The following DLGAP1 variants were observed in gnomAD, a reference collection of about 807,000 sequenced individuals.
DLGAP1 encodes DLG associated protein 1.
A neutral mutation model predicts 90.8 loss-of-function variants in DLGAP1; 11 were observed. That is an observed-to-expected ratio of 0.12 (90% confidence interval 0.08 to 0.20). The LOEUF (loss-of-function observed/expected upper bound fraction) is 0.20, where lower values mean the gene tolerates loss of function less well. Among genes scored for constraint, DLGAP1 ranks in the 10% least tolerant of loss-of-function variants. The pLI is 1.00. For missense variants in DLGAP1, 1,050 were observed against 1,333.8 expected (o/e 0.79, Z 3.31); for synonymous variants, 558 against 540.7 (o/e 1.03, Z -0.44).
chr18:3,562,305 G>A (rs923591198), intron 9 of DLGAP1, among the ~76,000 whole-genome samples: 2 of 152,030 alleles, frequency 1.3e-5, no homozygotes, highest in African/African-American at 4.8e-5. Flanking sequence ...ATTGCTTAGG[G>A]CCAGGAGTTC....
At chr18:4,443,111 C>G (rs547805834) in intron 1 of DLGAP1, among the ~76,000 whole-genome samples, 35 of 152,212 alleles carry the variant, frequency 2.3e-4, no homozygotes, top group Non-Finnish European at 5.0e-4. Context: ...CTGTCTATAA[C>G]TCCTAACTTA....
intron 4 of DLGAP1, among the ~76,000 whole-genome samples, chr18:3,870,617 T>TATC (rs1409038961): frequency 8.5e-6 from 1 of 118,058 alleles, no homozygotes; most frequent in African/African-American, 2.7e-5. Context: ...TCTATCTATC[T>TATC]ATCTATCTAT....
At chr18:4,198,016 T>C (rs551041399) in intron 1 of DLGAP1, among the ~76,000 whole-genome samples, 59 of 151,254 alleles carry the variant, frequency 3.9e-4, no homozygotes, top group African/African-American at 1.2e-3. Context: ...GATCAGGAGA[T>C]CAAGACCATC....
At chr18:4,313,382 T>C (rs901257162) in intron 1 of DLGAP1, among the ~76,000 whole-genome samples, 1 of 152,192 alleles carries the variant, frequency 6.6e-6, no homozygotes, top group Non-Finnish European at 1.5e-5. Flanking sequence ...AATGGCTACC[T>C]GTTTGAGGAG....
chr18:4,284,301 A>C (rs543892718), intron 1 of DLGAP1, among the ~76,000 whole-genome samples: 2 of 152,084 alleles, frequency 1.3e-5, no homozygotes, highest in Admixed American at 6.6e-5. Flanking sequence ...AAACAGGCCC[A>C]GAAAGTACAA....
chr18:3,967,139 A>G (rs1158358283), intron 3 of DLGAP1, among the ~76,000 whole-genome samples: 2 of 152,326 alleles, frequency 1.3e-5, no homozygotes, highest in Non-Finnish European at 1.5e-5. Context: ...GTCTGTGTAA[A>G]TATGGCAGTG....
chr18:3,805,089 A>T (rs899010603), intron 5 of DLGAP1, among the ~76,000 whole-genome samples: 1 of 152,238 alleles, frequency 6.6e-6, no homozygotes, highest in African/African-American at 2.4e-5. Context: ...AGCACATAGT[A>T]GGTGGCCAAA....
chr18:4,302,930 A>C (rs989483706), intron 1 of DLGAP1, among the ~76,000 whole-genome samples: 7 of 151,618 alleles, frequency 4.6e-5, no homozygotes, highest in Admixed American at 4.6e-4. Context: ...TATTTCTTTT[A>C]TTTTTTTGGT....
chr18:3,944,755 C>T (rs1476090929), intron 3 of DLGAP1, among the ~76,000 whole-genome samples: 2 of 152,184 alleles, frequency 1.3e-5, no homozygotes, highest in East Asian at 3.9e-4. Flanking sequence ...TTGAGAATCA[C>T]TACTTTGTTG....
At chr18:3,626,476 C>T (rs1211231490) in intron 7 of DLGAP1, among the ~76,000 whole-genome samples, 1 of 150,538 alleles carries the variant, frequency 6.6e-6, no homozygotes, top group Non-Finnish European at 1.5e-5. Flanking sequence ...CGTCTGTAGT[C>T]CCAGCTACTC....
At chr18:3,957,423 T>C (rs1347748577) in intron 3 of DLGAP1, among the ~76,000 whole-genome samples, 1 of 152,222 alleles carries the variant, frequency 6.6e-6, no homozygotes, top group Admixed American at 6.5e-5. Flanking sequence ...CAAACTTATG[T>C]TGTTTTAAGC....
intron 1 of DLGAP1, among the ~76,000 whole-genome samples, chr18:4,440,911 T>A (rs1290511780): frequency 6.6e-6 from 1 of 152,230 alleles, no homozygotes; most frequent in Non-Finnish European, 1.5e-5. Context: ...TCAAACATTT[T>A]GCTTTGAGCT....
intron 5 of DLGAP1, among the ~76,000 whole-genome samples, chr18:3,793,623 G>C (rs1470774747): frequency 1.3e-5 from 2 of 152,268 alleles, no homozygotes; most frequent in South Asian, 2.1e-4. Context: ...GGCCCATGCT[G>C]TCTGGCTCCC....
Position 4,039,575 on chromosome 18 carries a change from G to T in DLGAP1, c.-158-34374C>A, listed in dbSNP as rs527863540. 8.5e-5 allele frequency among the ~76,000 whole-genome samples: 13 copies of T among 152,270 alleles called. 1 individual carries two copies. In the South Asian group the frequency reaches 2.7e-3, roughly 32 times the overall value. On this transcript the variant is annotated intron_variant, in intron 2 of 12. Coordinates refer to ENST00000315677, the MANE Select transcript of DLGAP1 (RefSeq NM_004746.4). Reference sequence around the variant, plus strand: ...TGGCAAAGCAGACAGAATAGAAAGGGAATATACATTGTGGCCAGAAAAATG... The same window carrying T: ...TGGCAAAGCAGACAGAATAGAAAGGTAATATACATTGTGGCCAGAAAAATG...
At chr18:4,068,694 T>C (rs6506172) in intron 2 of DLGAP1, among the ~76,000 whole-genome samples, 64,866 of 152,064 alleles carry the variant, frequency 0.43, 15,150 homozygotes, top group African/African-American at 0.61. Context: ...TTTGGAATCA[T>C]AGGGACCTGA....
chr18:3,607,796 A>G (rs1437164578), intron 7 of DLGAP1: 3 of 151,886 alleles, frequency 2.0e-5, no homozygotes, highest in South Asian at 2.1e-4. Context: ...GATCTTTTCC[A>G]CACAGCTGTG....
chr18:3,919,336 C>T (rs1215523891), intron 3 of DLGAP1, among the ~76,000 whole-genome samples: 1 of 152,202 alleles, frequency 6.6e-6, no homozygotes, highest in African/African-American at 2.4e-5. Flanking sequence ...GGGTAGCAGT[C>T]CTTTAGTTCA....
intron 3 of DLGAP1, among the ~76,000 whole-genome samples, chr18:3,959,844 A>G (rs182452988): frequency 2.6e-5 from 4 of 152,300 alleles, no homozygotes; most frequent in African/African-American, 9.6e-5. Context: ...CATGTAATCA[A>G]TATACAATTA....
intron 1 of DLGAP1, among the ~76,000 whole-genome samples, chr18:4,280,206 T>A (rs758659047): frequency 8.5e-5 from 13 of 152,178 alleles, no homozygotes; most frequent in Non-Finnish European, 1.2e-4. Context: ...CTGCCAACCC[T>A]TTAAAGGGCC....
Sources: gnomAD v4.1 joint callset for allele counts (sites outside exome capture counted in the v4.1 genomes callset) on GRCh38, gnomAD v4.1.1 for gene constraint, MANE v1.5 for transcripts, NCBI Gene and HGNC (gene_info 2026-07-23, HGNC 2026-07-21) for gene names.